PRKAG2: variants seen among roughly 807,000 people sequenced by gnomAD.
PRKAG2 encodes the protein 5'-AMP-activated protein kinase subunit gamma-2.
PRKAG2 carries 26 observed loss-of-function variants against 69.6 expected under a neutral mutation model. The ratio of observed to expected loss-of-function variants is 0.37; its 90% CI spans 0.27 to 0.52. The LOEUF (loss-of-function observed/expected upper bound fraction) is 0.52. Among genes scored for constraint, PRKAG2 ranks in the 20% least tolerant of loss-of-function variants. The pLI is 0.90. For synonymous variants in PRKAG2, 293 were observed against 285.0 expected (o/e 1.03, Z -0.28); for missense variants, 557 against 740.0 (o/e 0.75, Z 2.87).
intron 4 of PRKAG2, among the ~76,000 whole-genome samples, chr7:151,642,959 G>A (rs968628510): frequency 1.3e-5 from 2 of 152,284 alleles, no homozygotes; most frequent in South Asian, 2.1e-4. Context: ...TCTGTTGAAC[G>A]AACATGTGCT....
chr7:151,622,575 C>T lies in PRKAG2; in HGVS notation c.754+9494G>A, dbSNP rs77863615. On this transcript the variant is annotated intron_variant, in intron 5 of 15. Transcript: ENST00000287878. ...GAGGCAATGGAGAAGACAGAAGCAT[C>T]TAGACCAACCCTAGGTCAGAATTGT... 8.9e-3 allele frequency among the ~76,000 whole-genome samples: 1,352 copies of T among 152,300 alleles called. 22 individuals carry two copies. The highest frequency in any genetic ancestry group is 0.03 in the African/African-American group (1,234 of 41,554).
Position 151,771,340 on chromosome 7 carries a change from C to G in PRKAG2, c.466+9812G>C, listed in dbSNP as rs913200322. ...AAGTCTGCTGATGCTTTCAAAATCCCCACGTCCCAAACTCAGCACCATTAA... is the reference window on the plus strand; with the variant it reads ...AAGTCTGCTGATGCTTTCAAAATCCGCACGTCCCAAACTCAGCACCATTAA... On this transcript the variant is annotated intron_variant, in intron 3 of 15. Coordinates refer to ENST00000287878, the MANE Select transcript of PRKAG2 (RefSeq NM_016203.4). The surrounding 1 kb of genome is among the most constrained non-coding windows in gnomAD (Gnocchi z 4.0). 6.6e-6 allele frequency among the ~76,000 whole-genome samples: 1 copy of G among 152,178 alleles called. No individual in the cohort carries two copies. The highest frequency in any genetic ancestry group is 1.5e-5 in the Non-Finnish European group (1 of 68,030).
chr7:151,624,337 G>C (rs1453854201), intron 5 of PRKAG2, among the ~76,000 whole-genome samples: 1 of 151,926 alleles, frequency 6.6e-6, no homozygotes, highest in African/African-American at 2.4e-5. Context: ...TTTTTATAGA[G>C]AGAGGGTTTC....
At chr7:151,832,367 G>A (rs533601114) in intron 1 of PRKAG2, among the ~76,000 whole-genome samples, 31 of 152,214 alleles carry the variant, frequency 2.0e-4, no homozygotes, top group Non-Finnish European at 3.7e-4. Context: ...GCTTGTTGGG[G>A]GCGAAGCAGA....
At chr7:151,785,957 A>C (rs2076984406) in intron 2 of PRKAG2, among the ~76,000 whole-genome samples, 1 of 152,166 alleles carries the variant, frequency 6.6e-6, no homozygotes, top group Non-Finnish European at 1.5e-5. Flanking sequence ...CCAGTGCAGG[A>C]GGGACGGCGA....
chr7:151,591,289 C>T (rs750929728), intron 6 of PRKAG2, among the ~76,000 whole-genome samples: 9 of 152,248 alleles, frequency 5.9e-5, no homozygotes, highest in South Asian at 2.1e-4. Flanking sequence ...TACTTTCACC[C>T]GTGTGTCTCA....
intron 3 of PRKAG2, among the ~76,000 whole-genome samples, chr7:151,712,121 C>T (rs576451716): frequency 6.6e-6 from 1 of 152,234 alleles, no homozygotes; most frequent in Non-Finnish European, 1.5e-5. Context: ...CTCCGCGGCG[C>T]GTACGTGCAT....
At chr7:151,675,861 C>T (rs1011074568) in intron 3 of PRKAG2, among the ~76,000 whole-genome samples, 3 of 152,084 alleles carry the variant, frequency 2.0e-5, no homozygotes, top group African/African-American at 7.2e-5. Context: ...TTCCTGGTGC[C>T]CAAAACCTCA....
chr7:151,590,163 G>C (rs1216037177), intron 6 of PRKAG2, among the ~76,000 whole-genome samples: 1 of 152,162 alleles, frequency 6.6e-6, no homozygotes, highest in African/African-American at 2.4e-5. Context: ...CCACTGCACT[G>C]GCCACTGAGG....
At chr7:151,683,657 C>T (rs957799454) in intron 3 of PRKAG2, among the ~76,000 whole-genome samples, 2 of 152,142 alleles carry the variant, frequency 1.3e-5, no homozygotes, top group East Asian at 3.9e-4. Flanking sequence ...GAGTGAGGGG[C>T]CAGGTGTTGT....
chr7:151,594,764 GTC>G (rs1814052645), intron 6 of PRKAG2, among the ~76,000 whole-genome samples: 2 of 151,972 alleles, frequency 1.3e-5, no homozygotes, highest in Non-Finnish European at 1.5e-5. Flanking sequence ...TGTGGATTAG[GTC>G]CTTAAATTCC....
At chr7:151,871,067 C>A (rs962215704) in intron 1 of PRKAG2, among the ~76,000 whole-genome samples, 1 of 152,236 alleles carries the variant, frequency 6.6e-6, no homozygotes, top group African/African-American at 2.4e-5. Context: ...CGTCTTCCCT[C>A]TCCCTGGGTC....
intron 3 of PRKAG2, among the ~76,000 whole-genome samples, chr7:151,687,327 CA>C (rs35325989): frequency 0.43 from 65,372 of 151,822 alleles, 14,571 homozygotes; most frequent in Middle Eastern, 0.51. Context: ...ACTTAGAAAG[CA>C]GTCCTGGGGA....
At chr7:151,563,312 T>C (rs975871450) in intron 14 of PRKAG2, among the ~76,000 whole-genome samples, 2 of 152,204 alleles carry the variant, frequency 1.3e-5, no homozygotes, top group African/African-American at 4.8e-5. Context: ...TTACACAAAG[T>C]ACATTTGAAA....
At chr7:151,870,289 G>A (rs886137326) in intron 1 of PRKAG2, among the ~76,000 whole-genome samples, 1 of 152,152 alleles carries the variant, frequency 6.6e-6, no homozygotes, top group Non-Finnish European at 1.5e-5. Flanking sequence ...TTAAGCCCCA[G>A]TAGGTACAAG....
At position 151,628,080 on chromosome 7, in the gene PRKAG2, A is replaced by G. The variant is rs562801719; in HGVS notation, c.754+3989T>C. On this transcript the variant is annotated intron_variant, in intron 5 of 15. Coordinates refer to ENST00000287878, the MANE Select transcript of PRKAG2 (RefSeq NM_016203.4). Reference sequence around the variant, plus strand: ...GGAGAGACAGTCAGTCTGGCAAGACACTCTCTGCTAAGAAGCGGGTAAAAT... The same window carrying G: ...GGAGAGACAGTCAGTCTGGCAAGACGCTCTCTGCTAAGAAGCGGGTAAAAT... 2.6e-5 allele frequency among the ~76,000 whole-genome samples: 4 copies of G among 152,290 alleles called. No individual in the cohort carries two copies. In the East Asian group the frequency reaches 5.8e-4, roughly 22 times the overall value.
intron 5 of PRKAG2, among the ~76,000 whole-genome samples, chr7:151,605,492 T>C (rs1021577859): frequency 2.0e-5 from 3 of 152,012 alleles, no homozygotes; most frequent in Non-Finnish European, 4.4e-5. Context: ...CCCAGCACTT[T>C]GGGAGGCCAA....
chr7:151,672,438 TAC>T (rs1468202052), intron 4 of PRKAG2, among the ~76,000 whole-genome samples: 1 of 152,152 alleles, frequency 6.6e-6, no homozygotes, highest in Non-Finnish European at 1.5e-5. Context: ...TTGCAGCAAG[TAC>T]ATTCATACTG....
intron 1 of PRKAG2, among the ~76,000 whole-genome samples, chr7:151,818,161 A>C (rs1223547135): frequency 6.6e-6 from 1 of 152,212 alleles, no homozygotes; most frequent in African/African-American, 2.4e-5. Context: ...ATAACAAGTC[A>C]AAACAGTGAC....
Sources: gnomAD v4.1 joint callset for allele counts (sites outside exome capture counted in the v4.1 genomes callset) on GRCh38, gnomAD v4.1.1 for gene constraint, Gnocchi (gnomAD v3.1) non-coding constraint, MANE v1.5 for transcripts, NCBI Gene and HGNC (gene_info 2026-07-23, HGNC 2026-07-21) for gene names.